PELI2: variants seen among roughly 807,000 people sequenced by gnomAD.
PELI2 encodes the protein pellino E3 ubiquitin protein ligase family member 2.
A neutral mutation model predicts 42.3 loss-of-function variants in PELI2; 23 were observed. The observed-to-expected ratio is 0.54, with a 90% confidence interval of 0.39 to 0.77. The LOEUF (loss-of-function observed/expected upper bound fraction) is 0.77. Among genes scored for constraint, PELI2 ranks in the 30% least tolerant of loss-of-function variants. PELI2 has a pLI of 0.00. For missense variants in PELI2, 463 were observed against 553.2 expected (o/e 0.84, Z 1.64); for synonymous variants, 245 against 212.2 (o/e 1.15, Z -1.34).
intron 1 of PELI2, among the ~76,000 whole-genome samples, chr14:56,119,539 C>A (rs1319378339): frequency 6.6e-6 from 1 of 152,228 alleles, no homozygotes; most frequent in East Asian, 1.9e-4. Context: ...CTGGTGAAAG[C>A]CGCATCTTGA....
At chr14:56,179,249 G>A (rs1046910794) in intron 2 of PELI2, among the ~76,000 whole-genome samples, 1 of 151,568 alleles carries the variant, frequency 6.6e-6, no homozygotes, top group East Asian at 1.9e-4. Context: ...CATTTCATAC[G>A]GGGCTACTGG....
At chr14:56,182,009 A>G (rs991987118) in intron 2 of PELI2, among the ~76,000 whole-genome samples, 1 of 152,126 alleles carries the variant, frequency 6.6e-6, no homozygotes, top group Non-Finnish European at 1.5e-5. Context: ...CATGCCAGGT[A>G]TTGGATATTC....
chr14:56,171,165 A>C (rs1348777422), intron 1 of PELI2, among the ~76,000 whole-genome samples: 1 of 152,182 alleles, frequency 6.6e-6, no homozygotes, highest in Non-Finnish European at 1.5e-5. Context: ...CTCAAAGTTC[A>C]TGTGTTGGAA....
chr14:56,119,262 G>A (rs1427588844), intron 1 of PELI2: 5 of 152,082 alleles, frequency 3.3e-5, no homozygotes, highest in Non-Finnish European at 4.4e-5. Context: ...GGGCCGCCGC[G>A]GGCTGTGGGA....
At chr14:56,179,599 A>T (rs775085113) in intron 2 of PELI2, among the ~76,000 whole-genome samples, 1 of 152,222 alleles carries the variant, frequency 6.6e-6, no homozygotes, top group Non-Finnish European at 1.5e-5. Context: ...AGAGAAATAA[A>T]CTAAACATTT....
At chr14:56,214,410 A>G (rs1310741995) in intron 2 of PELI2, among the ~76,000 whole-genome samples, 1 of 152,202 alleles carries the variant, frequency 6.6e-6, no homozygotes, top group Non-Finnish European at 1.5e-5. Context: ...GATTGGGTTT[A>G]GGAAGTATTG....
At position 56,282,907 on chromosome 14, in the gene PELI2, A is replaced by AT. The variant is rs201301353; in HGVS notation, c.309+3138dup. 4.0e-3 allele frequency among the ~76,000 whole-genome samples: 602 copies of AT among 152,056 alleles called. 9 individuals carry two copies. Among genetic ancestry groups the AT allele is most frequent in the African/African-American group, 0.014 (578 of 41,506 alleles). On this transcript the variant is annotated intron_variant, in intron 3 of 5. Transcript: ENST00000267460. ...TACAGTAGCAGTGAAGATTTTAAAG[A>AT]TTTTTTTTACAGAGAGAATTCTTAA...
At position 56,288,504 on chromosome 14, in the gene PELI2, C is replaced by T. The variant is rs202243870; in HGVS notation, c.377C>T (p.Thr126Met). Residue 126 changes from threonine (T) to methionine (M), a missense_variant, in exon 4 of 6, where the codon ACG (threonine) becomes ATG (methionine). By Grantham distance (81) the Thr-to-Met change is moderately conservative. Around this residue, in one of 3 missense-constraint regions of PELI2, gnomAD observed 343 missense variants for 378.4 expected, o/e 0.91. Coordinates refer to ENST00000267460, the MANE Select transcript of PELI2 (RefSeq NM_021255.3). The surrounding 1 kb of genome is among the most constrained non-coding windows in gnomAD (Gnocchi z 4.6). ...GACACGATTTCTGGCAGCCAGAACA[C>T]GGACGAAGCCCAGATCACACAGAGC... is the stretch of plus-strand genomic sequence containing the variant. ...VTDTISGSQN[T>M]DEAQITQSTI... The T allele has an allele frequency of 3.0e-4, 479 of 1,614,046 alleles. 5 individuals are homozygous for T. Among genetic ancestry groups the T allele is most frequent in the South Asian group, 1.6e-3 (146 of 91,054 alleles).
intron 2 of PELI2, among the ~76,000 whole-genome samples, chr14:56,237,805 G>T (rs1247285977): frequency 6.6e-6 from 1 of 151,348 alleles, no homozygotes; most frequent in Admixed American, 6.6e-5. Flanking sequence ...CATGTTGTCT[G>T]TGTCTTTCTG....
intron 2 of PELI2, among the ~76,000 whole-genome samples, chr14:56,251,816 A>T (rs567469783): frequency 6.6e-6 from 1 of 152,350 alleles, no homozygotes; most frequent in East Asian, 1.9e-4. Flanking sequence ...GCATATCAGG[A>T]CAAGTTGTTA....
chr14:56,144,315 C>T (rs955747787), intron 1 of PELI2, among the ~76,000 whole-genome samples: 2 of 152,166 alleles, frequency 1.3e-5, no homozygotes, highest in African/African-American at 4.8e-5. Flanking sequence ...ATGGGGCTGG[C>T]TAGGTGAGTC....
intron 2 of PELI2, among the ~76,000 whole-genome samples, chr14:56,202,157 TTTG>T (rs578087570): frequency 2.0e-5 from 3 of 152,080 alleles, no homozygotes; most frequent in East Asian, 1.9e-4. Flanking sequence ...ATAGAAGGTA[TTTG>T]TTGTTGTTGT....
chr14:56,209,565 T>C (rs1886642233), intron 2 of PELI2, among the ~76,000 whole-genome samples: 1 of 152,184 alleles, frequency 6.6e-6, no homozygotes, highest in Non-Finnish European at 1.5e-5. Context: ...TAGTATGTAT[T>C]GTGGTTACTA....
chr14:56,236,543 T>A (rs1887802985), intron 2 of PELI2, among the ~76,000 whole-genome samples: 1 of 152,236 alleles, frequency 6.6e-6, no homozygotes, highest in Non-Finnish European at 1.5e-5. Context: ...CAGTTCTGAT[T>A]CTACTCTCTC....
At chr14:56,195,627 G>A (rs1400650361) in intron 2 of PELI2, among the ~76,000 whole-genome samples, 3 of 152,234 alleles carry the variant, frequency 2.0e-5, no homozygotes, top group Non-Finnish European at 4.4e-5. Context: ...AATGAAACAG[G>A]TGGGGATACC....
chr14:56,219,561 A>G lies in PELI2; in HGVS notation c.207+41097A>G, dbSNP rs12879359. ...TTACAAACAGTAGGCATCCACAAGG[A>G]AGTCAAAGAAAGGGTCTCTGAGCTG... On this transcript the variant is annotated intron_variant, in intron 2 of 5. Transcript: ENST00000267460. The surrounding 1 kb of genome is among the most constrained non-coding windows in gnomAD (Gnocchi z 4.1). Among the ~76,000 whole-genome samples the G allele has an allele frequency of 0.4, 60,925 of 152,036 alleles. 13,041 individuals carry two copies. The highest frequency in any genetic ancestry group is 0.53 in the South Asian group (2,572 of 4,818).
At chr14:56,160,394 T>C (rs1355990095) in intron 1 of PELI2, among the ~76,000 whole-genome samples, 1 of 152,216 alleles carries the variant, frequency 6.6e-6, no homozygotes, top group African/African-American at 2.4e-5. Context: ...CTCTTCCCTT[T>C]GCACCAGGTC....
At chr14:56,189,935 C>T (rs1352163148) in intron 2 of PELI2, among the ~76,000 whole-genome samples, 1 of 152,206 alleles carries the variant, frequency 6.6e-6, no homozygotes, top group African/African-American at 2.4e-5. Flanking sequence ...GGAGAATGTA[C>T]TTACCAATTA....
chr14:56,157,289 T>C (rs1884603091), intron 1 of PELI2, among the ~76,000 whole-genome samples: 1 of 152,232 alleles, frequency 6.6e-6, no homozygotes, highest in Non-Finnish European at 1.5e-5. Flanking sequence ...AATGTACTTC[T>C]AGAGAGTGCT....
Sources: allele counts gnomAD v4.1 joint callset (sites outside exome capture counted in the v4.1 genomes callset), GRCh38; gene constraint gnomAD v4.1.1; regional missense constraint gnomAD v4.1.1; non-coding constraint Gnocchi (gnomAD v3.1); transcripts MANE v1.5; gene names NCBI Gene and HGNC (gene_info 2026-07-23, HGNC 2026-07-21).